The following SYNDIG1 variants were observed in gnomAD, a reference collection of about 807,000 sequenced individuals.
SYNDIG1 encodes the protein synapse differentiation-inducing gene protein 1.
A neutral mutation model predicts 19.4 loss-of-function variants in SYNDIG1; 9 were observed. That is an observed-to-expected ratio of 0.46 (90% CI 0.28 to 0.81). SYNDIG1 has a LOEUF of 0.81. SYNDIG1 is among the 30% of genes least tolerant of loss of function. The pLI, the probability that SYNDIG1 is intolerant of heterozygous loss-of-function variation, is 0.12. For synonymous variants in SYNDIG1, 141 were observed against 145.9 expected (o/e 0.97, Z 0.24); for missense variants, 311 against 343.3 (o/e 0.91, Z 0.74).
intron 2 of SYNDIG1, among the ~76,000 whole-genome samples, chr20:24,553,778 A>T (rs199653273): frequency 1.3e-5 from 2 of 152,134 alleles, no homozygotes; most frequent in Non-Finnish European, 2.9e-5. Flanking sequence ...CTTAGGATTG[A>T]CTTGGCAATG....
At chr20:24,553,839 T>A (rs915938317) in intron 2 of SYNDIG1, among the ~76,000 whole-genome samples, 1 of 152,244 alleles carries the variant, frequency 6.6e-6, no homozygotes, top group African/African-American at 2.4e-5. Flanking sequence ...TTTCCAATTC[T>A]GTGAAGAAAG....
At chr20:24,567,506 C>T (rs1260210661) in intron 2 of SYNDIG1, among the ~76,000 whole-genome samples, 1 of 152,224 alleles carries the variant, frequency 6.6e-6, no homozygotes, top group Non-Finnish European at 1.5e-5. Context: ...GGTCCCCCGT[C>T]ACTCTGGGGC....
In SYNDIG1 at chr20:24,484,455, C is replaced by T. The variant is rs370666490; in HGVS notation, c.-79+14702C>T. Among the ~76,000 whole-genome samples the T allele has an allele frequency of 3.7e-4, 57 of 152,276 alleles. 1 individual carries two copies. In the East Asian group the frequency reaches 7.1e-3, roughly 19 times the overall value. On this transcript the variant is annotated intron_variant, in intron 1 of 3. Coordinates refer to ENST00000376862, the MANE Select transcript of SYNDIG1 (RefSeq NM_024893.3). ...GAGTTTTCTAGTAAAAGACAGGTTG[C>T]GTGAACTTTTCTGACCTAGCCTCAG...
chr20:24,480,711 C>T (rs886664046), intron 1 of SYNDIG1, among the ~76,000 whole-genome samples: 1 of 152,148 alleles, frequency 6.6e-6, no homozygotes, highest in Non-Finnish European at 1.5e-5. Flanking sequence ...ATAGCTAAAA[C>T]GTGGAAGCAA....
At chr20:24,612,445 C>T (rs930739405) in intron 3 of SYNDIG1, among the ~76,000 whole-genome samples, 2 of 152,180 alleles carry the variant, frequency 1.3e-5, no homozygotes, top group African/African-American at 4.8e-5. Flanking sequence ...AGAAAGCAGT[C>T]TGCACTATTA....
chr20:24,626,454 G>A (rs1048239779), intron 3 of SYNDIG1, among the ~76,000 whole-genome samples: 2 of 151,300 alleles, frequency 1.3e-5, no homozygotes, highest in Non-Finnish European at 2.9e-5. Flanking sequence ...CAGGGCAGAG[G>A]CGCTCCCCAC....
chr20:24,470,057 C>T (rs2055375685), intron 1 of SYNDIG1, among the ~76,000 whole-genome samples: 1 of 152,174 alleles, frequency 6.6e-6, no homozygotes, highest in Admixed American at 6.5e-5. Context: ...GGTGCCTTGC[C>T]ACCCCGGGAG....
chr20:24,514,530 G>C (rs550906777), intron 1 of SYNDIG1, among the ~76,000 whole-genome samples: 1 of 152,272 alleles, frequency 6.6e-6, no homozygotes, highest in South Asian at 2.1e-4. Flanking sequence ...GACAAAGAAG[G>C]CCATTACATA....
chr20:24,576,682 C>T (rs1047167459), intron 2 of SYNDIG1, among the ~76,000 whole-genome samples: 10 of 152,156 alleles, frequency 6.6e-5, no homozygotes, highest in African/African-American at 9.7e-5. Flanking sequence ...TGACCACCCC[C>T]GTCCCTGGAC....
chr20:24,614,195 G>A (rs1424481316), intron 3 of SYNDIG1, among the ~76,000 whole-genome samples: 1 of 152,060 alleles, frequency 6.6e-6, no homozygotes, highest in East Asian at 1.9e-4. Flanking sequence ...GTAGAGATGC[G>A]GTCTCACTAT....
At chr20:24,476,622 A>G (rs969749047) in intron 1 of SYNDIG1, among the ~76,000 whole-genome samples, 2 of 151,898 alleles carry the variant, frequency 1.3e-5, no homozygotes, top group Admixed American at 6.6e-5. Context: ...GTGAGCCGAG[A>G]TCCCGCCACT....
intron 2 of SYNDIG1, among the ~76,000 whole-genome samples, chr20:24,571,027 G>T (rs929879841): frequency 6.6e-6 from 1 of 152,122 alleles, no homozygotes; most frequent in African/African-American, 2.4e-5. Flanking sequence ...AGCCTCAAAA[G>T]GTTGATATAC....
intron 2 of SYNDIG1, among the ~76,000 whole-genome samples, chr20:24,552,224 A>T (rs2057719329): frequency 6.6e-6 from 1 of 152,202 alleles, no homozygotes; most frequent in South Asian, 2.1e-4. Flanking sequence ...TCACTGAAAC[A>T]CCAGGGGTTC....
At chr20:24,540,244 G>A (rs2057442603) in intron 1 of SYNDIG1, among the ~76,000 whole-genome samples, 1 of 152,158 alleles carries the variant, frequency 6.6e-6, no homozygotes, top group African/African-American at 2.4e-5. Flanking sequence ...GATTTTTTGT[G>A]TATTAACTTT....
At chr20:24,579,891 A>G (rs536434117) in intron 2 of SYNDIG1, among the ~76,000 whole-genome samples, 3 of 152,202 alleles carry the variant, frequency 2.0e-5, no homozygotes, top group Non-Finnish European at 4.4e-5. Context: ...GTGATGTGCA[A>G]ACATTTGGTG....
chr20:24,661,401 G>A (rs1282642229), intron 3 of SYNDIG1, among the ~76,000 whole-genome samples: 1 of 147,498 alleles, frequency 6.8e-6, no homozygotes, highest in African/African-American at 2.5e-5. Context: ...GAGGGAGGAG[G>A]TAGGAAAGAA....
At chr20:24,656,977 C>T (rs910045723) in intron 3 of SYNDIG1, among the ~76,000 whole-genome samples, 1 of 152,144 alleles carries the variant, frequency 6.6e-6, no homozygotes, top group South Asian at 2.1e-4. Context: ...GTGTGTGGCC[C>T]CTCCTATCCC....
chr20:24,515,062 G>A (rs1288068155), intron 1 of SYNDIG1, among the ~76,000 whole-genome samples: 1 of 152,204 alleles, frequency 6.6e-6, no homozygotes, highest in East Asian at 1.9e-4. Flanking sequence ...AAATAAAGAT[G>A]TTCTTTGAAA....
chr20:24,480,596 C>A (rs754421119), intron 1 of SYNDIG1, among the ~76,000 whole-genome samples: 8 of 152,156 alleles, frequency 5.3e-5, no homozygotes, highest in Non-Finnish European at 1.2e-4. Flanking sequence ...CATAGATTTG[C>A]CATATGATCC....
Sources: allele counts gnomAD v4.1 joint callset (sites outside exome capture counted in the v4.1 genomes callset), GRCh38; gene constraint gnomAD v4.1.1; transcripts MANE v1.5; gene names NCBI Gene and HGNC (gene_info 2026-07-23, HGNC 2026-07-21).